DDC: variants seen among roughly 807,000 people sequenced by gnomAD.
DDC encodes the protein aromatic-L-amino-acid decarboxylase.
Under a neutral mutation model 60.0 loss-of-function variants are expected in DDC, and 43 were observed. The observed-to-expected ratio is 0.72, with a 90% CI of 0.56 to 0.92. DDC has a LOEUF of 0.92. DDC is among the 40% of genes least tolerant of loss of function. The pLI, the probability that DDC is intolerant of heterozygous loss-of-function variation, is 0.00. For missense variants in DDC, 573 were observed against 620.2 expected, an observed-to-expected ratio of 0.92 and a Z score of 0.81; for synonymous variants, 232 against 234.6, an observed-to-expected ratio of 0.99 and a Z score of 0.10.
At chr7:50,482,514 C>A (rs1379390890) in intron 9 of DDC, among the ~76,000 whole-genome samples, 1 of 152,174 alleles carries the variant, frequency 6.6e-6, no homozygotes, top group Non-Finnish European at 1.5e-5. Flanking sequence ...TACATGAGTT[C>A]AGTCGTGGTT....
At chr7:50,483,183 G>T (rs2153536853) in intron 9 of DDC, among the ~76,000 whole-genome samples, 1 of 152,184 alleles carries the variant, frequency 6.6e-6, no homozygotes, top group African/African-American at 2.4e-5. Context: ...GTTCTCTGCT[G>T]TTCCGATTTT....
chr7:50,539,780 T>A lies in DDC; in HGVS notation c.315+135A>T. On this transcript the variant is annotated intron_variant, in intron 3 of 14. Transcript: ENST00000444124. The stretch of plus-strand genomic sequence containing the variant: ...TCTCTCTGGGCTGAATCCTTTCTCC[T>A]CCCTGCAACAGTAGCCCGTCTGCCC... 9 of 698,238 alleles carry A rather than the reference T, an allele frequency of 1.3e-5. No individual in the cohort carries two copies. The South Asian group carries it at 1.4e-4, about 11-fold the overall frequency. 43.3% of individuals were successfully genotyped at this position (698,238 alleles called of 1,614,324 possible).
chr7:50,545,836 A>ATGCAATGAGTTACATG (rs2044788907), intron 1 of DDC, among the ~76,000 whole-genome samples: 1 of 152,208 alleles, frequency 6.6e-6, no homozygotes, highest in Non-Finnish European at 1.5e-5. Flanking sequence ...AGCCAACAGC[A>ATGCAATGAGTTACATG]CTGTAACTCC....
intron 6 of DDC, among the ~76,000 whole-genome samples, chr7:50,504,544 T>G (rs973960771): frequency 5.3e-5 from 8 of 150,932 alleles, no homozygotes; most frequent in African/African-American, 1.9e-4. Flanking sequence ...TCTAATTAAA[T>G]TTATAATTAA....
chr7:50,495,967 G>C (rs2043118611), intron 8 of DDC, among the ~76,000 whole-genome samples: 1 of 152,204 alleles, frequency 6.6e-6, no homozygotes, highest in African/African-American at 2.4e-5. Flanking sequence ...CAGTGGGAAA[G>C]AGGAAATTTT....
intron 4 of DDC, among the ~76,000 whole-genome samples, chr7:50,530,016 G>T (rs1481880461): frequency 6.6e-6 from 1 of 152,202 alleles, no homozygotes; most frequent in East Asian, 1.9e-4. Flanking sequence ...CAGCACTTTG[G>T]GAGGCAGAGG....
chr7:50,534,841 T>G (rs74876583), intron 4 of DDC, among the ~76,000 whole-genome samples: 15,271 of 152,232 alleles, frequency 0.1, 816 homozygotes, highest in South Asian at 0.12. Flanking sequence ...GAATCAGGAC[T>G]GATGTTCCAG....
Position 50,526,177 on chromosome 7 carries a change from T to C in DDC, c.714+1960A>G, listed in dbSNP as rs550955609. On this transcript the variant is annotated intron_variant, in intron 6 of 14. Transcript: ENST00000444124. ...AGACAAAAAGCAAGCAGCACCTCCA[T>C]TGGCGGCACAGAAGGAAATGTCATA... 1.1e-4 allele frequency among the ~76,000 whole-genome samples: 17 copies of C among 152,336 alleles called. No homozygotes were observed. The East Asian group carries it at 2.9e-3, about 26-fold the overall frequency.
At chr7:50,460,402 G>A (rs1585124770) in intron 14 of DDC, among the ~76,000 whole-genome samples, 4 of 146,748 alleles carry the variant, frequency 2.7e-5, no homozygotes, top group Non-Finnish European at 6.0e-5. Flanking sequence ...CCATCCGGGA[G>A]GAAGGTGGGG....
intron 13 of DDC, among the ~76,000 whole-genome samples, chr7:50,466,412 G>C (rs1461546774): frequency 6.6e-6 from 1 of 150,520 alleles, no homozygotes; most frequent in East Asian, 2.0e-4. Context: ...TTGAACCCGG[G>C]AGGCAGAGGT....
intron 2 of DDC, chr7:50,542,609 G>C (rs1165823864): frequency 1.3e-5 from 2 of 152,232 alleles, no homozygotes; most frequent in Non-Finnish European, 2.9e-5. Flanking sequence ...GCTCTGCGCA[G>C]TGAATGCCCC....
chr7:50,493,126 A>G, intron 9 of DDC: 1 of 807,896 alleles, frequency 1.2e-6, no homozygotes, highest in South Asian at 1.5e-5. Flanking sequence ...ATCTGTAAAG[A>G]GAGCGTGGCA....
chr7:50,530,461 A>G (rs2044168343), intron 4 of DDC, among the ~76,000 whole-genome samples: 1 of 152,176 alleles, frequency 6.6e-6, no homozygotes, highest in African/African-American at 2.4e-5. Context: ...CGATCCACCC[A>G]GTCAGTGGTA....
intron 4 of DDC, among the ~76,000 whole-genome samples, chr7:50,535,622 T>C (rs1034104704): frequency 7.2e-5 from 11 of 152,180 alleles, no homozygotes; most frequent in Non-Finnish European, 5.9e-5. Context: ...GGAATCTGGG[T>C]GTCATCCGGA....
rs878901098 is a variant in DDC, at chr7:50,476,770, G to C, written c.1022-127C>G. The C allele has an allele frequency of 2.4e-5, 20 of 846,332 alleles. No homozygotes were observed. The South Asian group carries it at 2.9e-4, about 12-fold the overall frequency. 52.4% of individuals were successfully genotyped at this position (846,332 alleles called of 1,614,324 possible). A position where few individuals can be genotyped will look rare whatever the true frequency, so the allele number is the denominator to read the frequency against. On this transcript the variant is annotated intron_variant, in intron 10 of 14. Transcript: ENST00000444124. ...AAGCCAGAAATAAAACTGCCCAAAG[G>C]CTGGGTCTGGGTGTTCTTTGCGGCA...
chr7:50,466,493 GAAAAAAA>G (rs57396757), intron 13 of DDC, among the ~76,000 whole-genome samples: 2 of 64,088 alleles, frequency 3.1e-5, no homozygotes, highest in Middle Eastern at 0.011. Flanking sequence ...TCTCCAAAAA[GAAAAAAA>G]AAAAAAAAAA....
At chr7:50,556,773 T>A (rs545270911) in intron 1 of DDC, among the ~76,000 whole-genome samples, 1 of 152,158 alleles carries the variant, frequency 6.6e-6, no homozygotes, top group African/African-American at 2.4e-5. Context: ...TTGGTCTGCG[T>A]TGGAAAATGG....
intron 13 of DDC, among the ~76,000 whole-genome samples, chr7:50,466,832 A>G (rs956142810): frequency 6.6e-6 from 1 of 152,194 alleles, no homozygotes; most frequent in Non-Finnish European, 1.5e-5. Flanking sequence ...CTCCCAGACA[A>G]TGCTGATGAT....
At chr7:50,555,631 C>A (rs1030229844) in intron 1 of DDC, among the ~76,000 whole-genome samples, 8 of 152,208 alleles carry the variant, frequency 5.3e-5, no homozygotes, top group African/African-American at 1.7e-4. Flanking sequence ...GGCACTCTCT[C>A]ATTGGTCTAA....
Sources: gnomAD v4.1 joint callset for allele counts (sites outside exome capture counted in the v4.1 genomes callset) on GRCh38, gnomAD v4.1.1 for gene constraint, MANE v1.5 for transcripts, NCBI Gene and HGNC (gene_info 2026-07-23, HGNC 2026-07-21) for gene names.